Variants in AATF observed in about 807,000 individuals in gnomAD.
AATF encodes protein AATF.
In AATF, 48 loss-of-function variants were observed where a neutral mutation model predicts 63.7. The observed-to-expected ratio is 0.75, with a 90% CI of 0.60 to 0.96. The LOEUF (loss-of-function observed/expected upper bound fraction) is 0.96. AATF is among the 40% of genes least tolerant of loss of function. The pLI, the probability that AATF is intolerant of heterozygous loss-of-function variation, is 0.00. For missense variants in AATF, 639 were observed against 685.7 expected, an observed-to-expected ratio of 0.93 and a Z score of 0.76; for synonymous variants, 258 against 247.7, an observed-to-expected ratio of 1.04 and a Z score of -0.39.
chr17:37,016,910 C>A (rs1440777565), intron 8 of AATF, among the ~76,000 whole-genome samples: 1 of 152,120 alleles, frequency 6.6e-6, no homozygotes, highest in Non-Finnish European at 1.5e-5. Flanking sequence ...CTAGACCTAG[C>A]TAGATAGACC....
intron 8 of AATF, among the ~76,000 whole-genome samples, chr17:36,996,286 T>C (rs1189657528): frequency 6.6e-6 from 1 of 151,884 alleles, no homozygotes; most frequent in Non-Finnish European, 1.5e-5. Flanking sequence ...GCAAAAAAAA[T>C]GAGTCAGATG....
chr17:36,981,277 G>A (rs952583384), intron 4 of AATF, among the ~76,000 whole-genome samples: 3 of 152,026 alleles, frequency 2.0e-5, no homozygotes, highest in South Asian at 2.1e-4. Flanking sequence ...CGATATGTTA[G>A]AGTCAAATTC....
intron 7 of AATF, 139 bp from the exon 8 acceptor site, chr17:36,990,635 G>A: frequency 5.2e-6 from 3 of 576,546 alleles, no homozygotes; most frequent in Non-Finnish European, 9.0e-6. Context: ...ATATTGGACT[G>A]TTTTGTTTTT....
chr17:37,006,476 A>AG (rs1567981333), intron 8 of AATF, among the ~76,000 whole-genome samples: 1 of 152,224 alleles, frequency 6.6e-6, no homozygotes, highest in Non-Finnish European at 1.5e-5. Context: ...TCTCAAAAAA[A>AG]AAGAATTGCA....
At chr17:37,014,058 C>T (rs569178828) in intron 8 of AATF, among the ~76,000 whole-genome samples, 2 of 152,130 alleles carry the variant, frequency 1.3e-5, no homozygotes, top group African/African-American at 4.8e-5. Flanking sequence ...TATCTTATGT[C>T]TTGATTTTAG....
chr17:36,976,372 T>C (rs1280692353), intron 4 of AATF, among the ~76,000 whole-genome samples: 1 of 152,122 alleles, frequency 6.6e-6, no homozygotes, highest in East Asian at 1.9e-4. Flanking sequence ...CTTAGGCGAG[T>C]GTGTGGTACT....
At chr17:36,977,921 G>A (rs1030908632) in intron 4 of AATF, among the ~76,000 whole-genome samples, 3 of 152,174 alleles carry the variant, frequency 2.0e-5, no homozygotes, top group Non-Finnish European at 4.4e-5. Flanking sequence ...CTAGATTGCT[G>A]TGTCCTATAG....
chr17:37,043,441 C>T (rs1020659815), intron 11 of AATF, among the ~76,000 whole-genome samples: 1 of 152,164 alleles, frequency 6.6e-6, no homozygotes, highest in Non-Finnish European at 1.5e-5. Flanking sequence ...TTCTCCACCC[C>T]CACTGAGCTT....
intron 11 of AATF, among the ~76,000 whole-genome samples, chr17:37,042,797 A>C (rs2071653211): frequency 7.0e-6 from 1 of 143,280 alleles, no homozygotes; most frequent in Non-Finnish European, 1.5e-5. Context: ...GCTGGAGTGC[A>C]GTGGTACCAT....
chr17:37,027,734 C>T (rs760581027), intron 10 of AATF, among the ~76,000 whole-genome samples: 38 of 152,060 alleles, frequency 2.5e-4, no homozygotes, highest in Non-Finnish European at 4.3e-4. Flanking sequence ...TTCAGAATCT[C>T]GTTTGTATAT....
intron 4 of AATF, among the ~76,000 whole-genome samples, chr17:36,970,813 G>T (rs2071033789): frequency 6.6e-6 from 1 of 151,846 alleles, no homozygotes; most frequent in African/African-American, 2.4e-5. Flanking sequence ...TTACAGGCAT[G>T]AGCCACCATT....
At chr17:37,051,675 AAGACAGAC>A (rs1215756811) in intron 11 of AATF, among the ~76,000 whole-genome samples, 6 of 149,770 alleles carry the variant, frequency 4.0e-5, no homozygotes, top group Non-Finnish European at 7.4e-5. Flanking sequence ...GCCGAATCCT[AAGACAGAC>A]AGACAGACAG....
At chr17:37,054,201 G>A (rs2071778539) in intron 11 of AATF, among the ~76,000 whole-genome samples, 1 of 152,012 alleles carries the variant, frequency 6.6e-6, no homozygotes, top group African/African-American at 2.4e-5. Flanking sequence ...TGTGGGGCGG[G>A]GATCTTCATC....
At chr17:36,968,252 T>C (rs978649922) in intron 4 of AATF, among the ~76,000 whole-genome samples, 15 of 142,032 alleles carry the variant, frequency 1.1e-4, no homozygotes, top group Non-Finnish European at 2.0e-4. Context: ...TTTTTTCTTT[T>C]TCTTTCTTTC....
intron 10 of AATF, among the ~76,000 whole-genome samples, chr17:37,029,809 G>GC (rs986253704): frequency 4.9e-4 from 74 of 151,110 alleles, no homozygotes; most frequent in African/African-American, 1.7e-3. Flanking sequence ...CAGGTGATCT[G>GC]CCCCCCCTCA....
chr17:36,972,095 C>G (rs1342977541), intron 4 of AATF, among the ~76,000 whole-genome samples: 2 of 152,026 alleles, frequency 1.3e-5, no homozygotes, highest in Non-Finnish European at 2.9e-5. Flanking sequence ...TGCTTATTCC[C>G]AGATAACTCT....
In AATF at chr17:36,949,065, G is replaced by A. The variant is rs983716438; in HGVS notation, c.-61G>A. 43 of 1,419,176 alleles carry A rather than the reference G, an allele frequency of 3.0e-5. No individual in the cohort carries two copies. The highest frequency in any genetic ancestry group is 1.5e-4 in the East Asian group (6 of 39,520). 87.9% of individuals were successfully genotyped at this position (1,419,176 alleles called of 1,614,324 possible). On this transcript the variant is annotated 5_prime_UTR_variant, in exon 1 of 12. Coordinates refer to ENST00000619387, the MANE Select transcript of AATF (RefSeq NM_012138.4). ...GGATCCGGCAGGGAAGGAGCTTCGG[G>A]GCCGGGGGTTGGGCCGCACATTTAC...
At chr17:36,974,959 A>G (rs930133848) in intron 4 of AATF, among the ~76,000 whole-genome samples, 4 of 152,120 alleles carry the variant, frequency 2.6e-5, no homozygotes, top group Non-Finnish European at 5.9e-5. Context: ...TTGAAGTTTA[A>G]TCTTAATTGC....
intron 4 of AATF, among the ~76,000 whole-genome samples, chr17:36,974,046 G>A (rs1171839100): frequency 1.3e-5 from 2 of 149,910 alleles, no homozygotes; most frequent in African/African-American, 5.0e-5. Context: ...TCCAGCCTGG[G>A]CGACAGAGCG....
Sources: allele counts gnomAD v4.1 joint callset (sites outside exome capture counted in the v4.1 genomes callset), GRCh38; gene constraint gnomAD v4.1.1; transcripts MANE v1.5; gene names NCBI Gene and HGNC (gene_info 2026-07-23, HGNC 2026-07-21).